Variants in GPC6 observed in about 807,000 individuals in gnomAD.
GPC6 encodes glypican-6.
A neutral mutation model predicts 55.2 loss-of-function variants in GPC6; 14 were observed. The observed-to-expected ratio is 0.25, with a 90% CI of 0.17 to 0.40. GPC6 has a LOEUF of 0.40. Ranked by LOEUF, GPC6 falls within the 10% of genes least tolerant of loss-of-function variation. The probability of loss-of-function intolerance (pLI) is 1.00; values close to 1 mark genes in which losing one functional copy is unlikely to be tolerated. For missense variants in GPC6, 641 were observed against 708.5 expected (o/e 0.90, Z 1.08); for synonymous variants, 278 against 259.6 (o/e 1.07, Z -0.68).
chr13:93,658,619 T>A lies in GPC6; in HGVS notation c.319+113198T>A, dbSNP rs867983753. Among the ~76,000 whole-genome samples, 3 of 151,762 alleles carry A rather than the reference T, an allele frequency of 2.0e-5. No individual in the cohort carries two copies. In the South Asian group the frequency reaches 6.2e-4, roughly 31 times the overall value. On this transcript the variant is annotated intron_variant, in intron 2 of 8. Transcript: ENST00000377047. ...ACCCTGTTAATGTAATAGTTTACAT[T>A]GATTGATTTCAAATATTGAAGCACT...
chr13:94,370,880 C>A (rs189760671), intron 6 of GPC6, among the ~76,000 whole-genome samples: 45 of 152,152 alleles, frequency 3.0e-4, no homozygotes, highest in African/African-American at 9.4e-4. Flanking sequence ...AAAAGATATT[C>A]TTTTTTATTT....
At chr13:94,362,482 G>T in intron 6 of GPC6, among the ~76,000 whole-genome samples, 1 of 152,030 alleles carries the variant, frequency 6.6e-6, no homozygotes, top group East Asian at 1.9e-4. Flanking sequence ...AAATAACAGG[G>T]TTGTCAGTTT....
chr13:94,287,965 G>A (rs1043820342), intron 5 of GPC6, among the ~76,000 whole-genome samples: 1 of 152,110 alleles, frequency 6.6e-6, no homozygotes, highest in South Asian at 2.1e-4. Context: ...TGGTGCGTGT[G>A]CATACATTTT....
chr13:93,508,764 T>C (rs1367044761), intron 1 of GPC6, among the ~76,000 whole-genome samples: 6 of 152,122 alleles, frequency 3.9e-5, no homozygotes, highest in Non-Finnish European at 5.9e-5. Flanking sequence ...AGAGGAAATG[T>C]GGATCTTTTC....
chr13:94,209,456 T>C (rs962469623), intron 4 of GPC6, among the ~76,000 whole-genome samples: 2 of 152,226 alleles, frequency 1.3e-5, no homozygotes, highest in African/African-American at 4.8e-5. Flanking sequence ...ACCTCATAAG[T>C]AAATCTATAT....
chr13:93,869,741 A>G (rs1594540820), intron 3 of GPC6, among the ~76,000 whole-genome samples: 1 of 151,834 alleles, frequency 6.6e-6, no homozygotes, highest in Non-Finnish European at 1.5e-5. Context: ...CATGTTTCTT[A>G]ACTGAGGGGT....
chr13:93,628,941 A>G (rs1879316202), intron 2 of GPC6, among the ~76,000 whole-genome samples: 1 of 152,042 alleles, frequency 6.6e-6, no homozygotes, highest in Non-Finnish European at 1.5e-5. Context: ...GAAAGACTAA[A>G]TAAGTTAGAC....
chr13:93,635,474 T>TA (rs989510983), intron 2 of GPC6, among the ~76,000 whole-genome samples: 45 of 152,190 alleles, frequency 3.0e-4, no homozygotes, highest in African/African-American at 1.0e-3. Flanking sequence ...GCAAATAGTA[T>TA]AAAAAATAAA....
chr13:94,125,645 C>T (rs917325391), intron 4 of GPC6, among the ~76,000 whole-genome samples: 1 of 152,036 alleles, frequency 6.6e-6, no homozygotes, highest in Non-Finnish European at 1.5e-5. Context: ...ACTGCTGGCC[C>T]AGCCAGGCTG....
chr13:93,327,199 C>G (rs1281157113), intron 1 of GPC6, among the ~76,000 whole-genome samples: 1 of 152,034 alleles, frequency 6.6e-6, no homozygotes, highest in Non-Finnish European at 1.5e-5. Context: ...TTTTAATAAG[C>G]CTTAGTTACA....
chr13:94,075,240 C>T (rs539202407), intron 4 of GPC6, among the ~76,000 whole-genome samples: 14 of 152,234 alleles, frequency 9.2e-5, no homozygotes, highest in African/African-American at 2.4e-4. Context: ...TGCGTGTGCA[C>T]GTGTATCAGC....
intron 6 of GPC6, among the ~76,000 whole-genome samples, chr13:94,375,620 C>G (rs1352521952): frequency 6.0e-5 from 9 of 149,646 alleles, no homozygotes. Context: ...ACCAGAGGTA[C>G]AAGGAGGAAC....
chr13:93,556,610 T>A (rs535413352), intron 2 of GPC6, among the ~76,000 whole-genome samples: 10 of 152,000 alleles, frequency 6.6e-5, no homozygotes, highest in African/African-American at 2.4e-4. Flanking sequence ...CACTCTGTTG[T>A]GCTATCAAAT....
At position 93,953,183 on chromosome 13, in the gene GPC6, C is replaced by G. The variant is rs548180069; in HGVS notation, c.712-74546C>G. On this transcript the variant is annotated intron_variant, in intron 3 of 8. Coordinates refer to ENST00000377047, the MANE Select transcript of GPC6 (RefSeq NM_005708.5). ...CTTTTGCTGAGGTGTCTTCACTTTTCTTTTCTTCCATGGTCTCCCTAAAAC... is the reference window on the plus strand; with the variant it reads ...CTTTTGCTGAGGTGTCTTCACTTTTGTTTTCTTCCATGGTCTCCCTAAAAC... 2.6e-5 allele frequency among the ~76,000 whole-genome samples: 4 copies of G among 152,070 alleles called. No homozygotes were observed. The South Asian group carries it at 8.3e-4, about 32-fold the overall frequency.
intron 1 of GPC6, among the ~76,000 whole-genome samples, chr13:93,429,942 G>T (rs1877294941): frequency 6.6e-6 from 1 of 152,096 alleles, no homozygotes; most frequent in South Asian, 2.1e-4. Context: ...CTTACGATTT[G>T]ACCAATATGA....
intron 7 of GPC6, among the ~76,000 whole-genome samples, chr13:94,388,349 C>T (rs568489525): frequency 5.1e-4 from 78 of 152,218 alleles, no homozygotes; most frequent in Non-Finnish European, 2.8e-4. Context: ...GAGTTCACGT[C>T]GTTCAATTAT....
intron 1 of GPC6, among the ~76,000 whole-genome samples, chr13:93,353,350 A>C (rs1326759952): frequency 6.6e-6 from 1 of 152,228 alleles, no homozygotes; most frequent in Non-Finnish European, 1.5e-5. Context: ...ACAGGGCCTC[A>C]GAAAGTAGAG....
At chr13:93,430,450 G>A (rs1217919936) in intron 1 of GPC6, among the ~76,000 whole-genome samples, 1 of 152,100 alleles carries the variant, frequency 6.6e-6, no homozygotes, top group Non-Finnish European at 1.5e-5. Context: ...TGTGAGCCAT[G>A]CCCAAAGAAA....
chr13:94,028,020 T>A, intron 4 of GPC6, 126 bp downstream of exon 4: 6 of 883,554 alleles, frequency 6.8e-6, no homozygotes, highest in Middle Eastern at 6.5e-4. Flanking sequence ...ATCCCAGCAC[T>A]TTGGGAGGCC....
Sources: gnomAD v4.1 joint callset for allele counts (sites outside exome capture counted in the v4.1 genomes callset) on GRCh38, gnomAD v4.1.1 for gene constraint, MANE v1.5 for transcripts, NCBI Gene and HGNC (gene_info 2026-07-23, HGNC 2026-07-21) for gene names.